Variants in BAIAP2L1 observed in about 807,000 individuals in gnomAD.
BAIAP2L1 encodes the protein BAR/IMD domain-containing adapter protein 2-like 1.
In BAIAP2L1, 35 loss-of-function variants were observed where a neutral mutation model predicts 66.3. The ratio of observed to expected loss-of-function variants is 0.53; its 90% CI spans 0.40 to 0.70. The LOEUF (loss-of-function observed/expected upper bound fraction) is 0.70. Ranked by LOEUF, BAIAP2L1 falls within the 30% of genes least tolerant of loss-of-function variation. The probability of loss-of-function intolerance (pLI) is 0.00; values close to 1 mark genes in which losing one functional copy is unlikely to be tolerated. For synonymous variants in BAIAP2L1, 269 were observed against 248.7 expected (o/e 1.08, Z -0.77); for missense variants, 622 against 656.9 (o/e 0.95, Z 0.58).
intron 12 of BAIAP2L1, among the ~76,000 whole-genome samples, chr7:98,303,808 A>G (rs979377021): frequency 2.0e-5 from 3 of 152,240 alleles, no homozygotes; most frequent in African/African-American, 7.2e-5. Context: ...CTGAAGAAAG[A>G]TGAAGTTACC....
At chr7:98,297,652 C>G (rs1198548426) in intron 12 of BAIAP2L1, among the ~76,000 whole-genome samples, 1 of 152,216 alleles carries the variant, frequency 6.6e-6, no homozygotes, top group Non-Finnish European at 1.5e-5. Flanking sequence ...AGTTCAACCC[C>G]TTTATTCTCA....
chr7:98,346,230 T>G (rs6961129), intron 3 of BAIAP2L1, among the ~76,000 whole-genome samples: 58,912 of 151,912 alleles, frequency 0.39, 12,716 homozygotes, highest in Middle Eastern at 0.55. Flanking sequence ...CACTAAACAA[T>G]TCAATGGAAC....
chr7:98,342,008 A>C (rs1801750546), intron 3 of BAIAP2L1, among the ~76,000 whole-genome samples: 1 of 150,480 alleles, frequency 6.6e-6, no homozygotes, highest in African/African-American at 2.4e-5. Flanking sequence ...TGAATTAGTA[A>C]CATTTCAAAA....
At chr7:98,365,772 G>A (rs1802377752) in intron 1 of BAIAP2L1, among the ~76,000 whole-genome samples, 3 of 152,116 alleles carry the variant, frequency 2.0e-5, no homozygotes, top group Admixed American at 6.5e-5. Context: ...GAGCCACCAC[G>A]CCCAGCCTTT....
chr7:98,310,247 A>T, intron 9 of BAIAP2L1, 198 bp downstream of exon 9: 1 of 542,712 alleles, frequency 1.8e-6, no homozygotes, highest in Non-Finnish European at 3.2e-6. Context: ...GAAATGTATC[A>T]CTTATCAGAG....
intron 2 of BAIAP2L1, among the ~76,000 whole-genome samples, chr7:98,356,994 C>CAAAAAA (rs1171832329): frequency 0.054 from 130 of 2,426 alleles, 43 homozygotes; most frequent in Non-Finnish European, 0.071. Context: ...GCCCCTGTCT[C>CAAAAAA]AAAAAAAAAA....
intron 2 of BAIAP2L1, among the ~76,000 whole-genome samples, chr7:98,356,665 TAAAAAAAAAA>T (rs35660519): frequency 1.7e-4 from 18 of 106,768 alleles, no homozygotes; most frequent in African/African-American, 6.8e-4. Context: ...CCTGGCTAAT[TAAAAAAAAAA>T]AAAAAAAAAA....
intron 3 of BAIAP2L1, among the ~76,000 whole-genome samples, chr7:98,338,498 T>C (rs1281327449): frequency 6.6e-6 from 1 of 151,908 alleles, no homozygotes; most frequent in Non-Finnish European, 1.5e-5. Context: ...CCTCAAAATC[T>C]GCCTTCTCCC....
At chr7:98,340,008 C>T (rs1307670325) in intron 3 of BAIAP2L1, among the ~76,000 whole-genome samples, 2 of 152,146 alleles carry the variant, frequency 1.3e-5, no homozygotes, top group Admixed American at 6.6e-5. Context: ...GACAGGGACA[C>T]TTACGCTGTC....
At chr7:98,332,738 G>A (rs1195355973) in intron 3 of BAIAP2L1, among the ~76,000 whole-genome samples, 1 of 148,042 alleles carries the variant, frequency 6.8e-6, no homozygotes, top group Non-Finnish European at 1.5e-5. Flanking sequence ...GAACCTGGGA[G>A]GCAGAGGTTG....
chr7:98,346,892 A>C (rs551733078), intron 3 of BAIAP2L1, among the ~76,000 whole-genome samples: 2 of 152,312 alleles, frequency 1.3e-5, no homozygotes, highest in East Asian at 3.9e-4. Flanking sequence ...GCACTGGATG[A>C]ACGGCCACAG....
chr7:98,354,642 A>G (rs1802078540), intron 3 of BAIAP2L1, among the ~76,000 whole-genome samples: 1 of 152,196 alleles, frequency 6.6e-6, no homozygotes, highest in South Asian at 2.1e-4. Context: ...GGAAGAGGCA[A>G]GGGCCAAGAG....
At chr7:98,388,754 G>A (rs1235369166) in intron 1 of BAIAP2L1, among the ~76,000 whole-genome samples, 1 of 152,084 alleles carries the variant, frequency 6.6e-6, no homozygotes, top group Admixed American at 6.6e-5. Flanking sequence ...CAGGCAGACG[G>A]CTTGAGCCCA....
chr7:98,318,080 A>G (rs1801133565), intron 5 of BAIAP2L1, among the ~76,000 whole-genome samples: 1 of 152,124 alleles, frequency 6.6e-6, no homozygotes, highest in Non-Finnish European at 1.5e-5. Context: ...CTCAACCCGC[A>G]GTTCACACCA....
rs571765034 is a variant in BAIAP2L1, at chr7:98,317,710, C to T, written c.349-354G>A. Reference sequence around the variant, plus strand: ...ATCCTTACACTGGCTGGGACCATCACCCCGCAGTTCACACCATCTGCATGT... The same window carrying T: ...ATCCTTACACTGGCTGGGACCATCATCCCGCAGTTCACACCATCTGCATGT... On this transcript the variant is annotated intron_variant, in intron 5 of 13. Transcript: ENST00000005260. 1.1e-4 allele frequency among the ~76,000 whole-genome samples: 16 copies of T among 151,056 alleles called. No individual in the cohort carries two copies. The South Asian group carries it at 3.4e-3, about 32-fold the overall frequency.
At chr7:98,390,503 C>T (rs1359469018) in intron 1 of BAIAP2L1, among the ~76,000 whole-genome samples, 2 of 151,604 alleles carry the variant, frequency 1.3e-5, no homozygotes, top group Non-Finnish European at 2.9e-5. Flanking sequence ...CCGAGGCGGG[C>T]GGATCACAAG....
At position 98,401,021 on chromosome 7, in the gene BAIAP2L1, C is replaced by G. The variant is rs965543982; in HGVS notation, c.-169G>C. The G allele has an allele frequency of 5.3e-5, 26 of 491,784 alleles. No homozygotes were observed. The highest frequency in any genetic ancestry group is 7.7e-5 in the Non-Finnish European group (24 of 311,824). 30.5% of individuals were successfully genotyped at this position (491,784 alleles called of 1,614,324 possible). ...GCGCGCGTCTCCGCTGCGAAAATGTCAAAACTTGCGGCAGCGCCGCCCTGG... is the reference window on the plus strand; with the variant it reads ...GCGCGCGTCTCCGCTGCGAAAATGTGAAAACTTGCGGCAGCGCCGCCCTGG... On this transcript the variant is annotated 5_prime_UTR_variant, in exon 1 of 14. Transcript: ENST00000005260.
At chr7:98,334,446 C>T (rs1214873087) in intron 3 of BAIAP2L1, among the ~76,000 whole-genome samples, 1 of 151,980 alleles carries the variant, frequency 6.6e-6, no homozygotes, top group Non-Finnish European at 1.5e-5. Context: ...TAACTCAAAA[C>T]CTTTTAGTCC....
intron 2 of BAIAP2L1, among the ~76,000 whole-genome samples, chr7:98,357,675 T>C (rs1198994704): frequency 1.3e-5 from 2 of 152,008 alleles, no homozygotes; most frequent in African/African-American, 2.4e-5. Context: ...ACTGCACTAT[T>C]ATAAGACTCA....
Sources: gnomAD v4.1 joint callset for allele counts (sites outside exome capture counted in the v4.1 genomes callset) on GRCh38, gnomAD v4.1.1 for gene constraint, MANE v1.5 for transcripts, NCBI Gene and HGNC (gene_info 2026-07-23, HGNC 2026-07-21) for gene names.